TTF1: variants seen among roughly 807,000 people sequenced by gnomAD.
TTF1 encodes transcription termination factor 1, also known as transcription termination factor, RNA polymerase I.
Under a neutral mutation model 80.2 loss-of-function variants are expected in TTF1, and 64 were observed. The ratio of observed to expected loss-of-function variants is 0.80; its 90% CI spans 0.65 to 0.98. The LOEUF is 0.98. Ranked by LOEUF, TTF1 falls within the 50% of genes least tolerant of loss-of-function variation. The pLI is 0.00. For synonymous variants in TTF1, 372 were observed against 382.7 expected (o/e 0.97, Z 0.33); for missense variants, 1,023 against 1,086.2 (o/e 0.94, Z 0.82).
intron 10 of TTF1, among the ~76,000 whole-genome samples, chr9:132,376,871 GGT>G (rs918550486): frequency 6.6e-6 from 1 of 151,524 alleles, no homozygotes; most frequent in Admixed American, 6.6e-5. Context: ...TGTAGAGATA[GGT>G]GTGTGTGTGT....
rs1849783575 is a variant in TTF1, at chr9:132,402,384, C to G, written c.438G>C (p.Gln146His). 2 of 1,613,990 alleles carry G rather than the reference C, an allele frequency of 1.2e-6. No homozygotes were observed. Among genetic ancestry groups the G allele is most frequent in the Non-Finnish European group, 1.7e-6 (2 of 1,180,046 alleles). Residue 146 changes from glutamine (Q) to histidine (H), a missense_variant, in exon 2 of 11, where the codon CAG (glutamine) becomes CAC (histidine). Transcript: ENST00000334270. ...TATGTGCATGTGACTTAGCAAGTAC[C>G]TGAAATTTGTCTGTTTTAGGCTTTC... ...LPRKPKTDKFQVLAKSHAHKS... is the reference protein window; with the variant it reads ...LPRKPKTDKFHVLAKSHAHKS...
At chr9:132,399,608 CAAG>C (rs1301733533) in intron 3 of TTF1, among the ~76,000 whole-genome samples, 6 of 152,202 alleles carry the variant, frequency 3.9e-5, no homozygotes, top group South Asian at 2.1e-4. Context: ...ACAGTGAAAT[CAAG>C]AAGGTGATCA....
At chr9:132,400,355 T>C (rs906979085) in intron 2 of TTF1, 97 bp from the exon 3 acceptor site, 13 of 989,448 alleles carry the variant, frequency 1.3e-5, no homozygotes, top group Non-Finnish European at 2.0e-5. Flanking sequence ...GACAGAGGCT[T>C]GCTCTGTCGC....
chr9:132,390,632 C>T lies in TTF1; in HGVS notation c.2187G>A (p.Val729=), dbSNP rs1849542584. 3 of 1,614,228 alleles carry T rather than the reference C, an allele frequency of 1.9e-6. No homozygotes were observed. The highest frequency in any genetic ancestry group is 2.5e-6 in the Non-Finnish European group (3 of 1,180,042). ...GISWVEVEAK[V]QTRNWMQCKS... is the part of the protein sequence containing the mutation. ...TACACTGCATCCAATTTCTGGTTTG[C>T]ACTTTAGCTTCTACTTCTACCCAAG... Residue 729 remains valine (V), a synonymous_variant, in exon 7 of 11, where the codon GTG becomes GTA. Transcript: ENST00000334270.
In TTF1 at chr9:132,376,042, T is replaced by C. The variant is rs760094845; in HGVS notation, c.2591A>G (p.Asp864Gly). The C allele has an allele frequency of 6.2e-7, 1 of 1,614,228 alleles. No homozygotes were observed. Among genetic ancestry groups the C allele is most frequent in the South Asian group, 1.1e-5 (1 of 91,082 alleles). The change falls in exon 11 of 11, where the codon GAC becomes GGC. Residue 864 changes from aspartate to glycine, a missense_variant. Transcript: ENST00000334270. ...AAPKQVFPFR[D>G]IFYYEDDSEG... ...ACTATCGTCTTCATAATAAAAGATG[T>C]CTCGAAATGGGAAAACTTGCTTGGG...
chr9:132,401,274 C>T (rs974003543), intron 2 of TTF1, among the ~76,000 whole-genome samples, 181 bp downstream of exon 2: 2 of 151,522 alleles, frequency 1.3e-5, no homozygotes, highest in African/African-American at 4.8e-5. Context: ...TGCGGTAAGC[C>T]GAGATTGCAC....
At chr9:132,382,603 C>A (rs989934139) in intron 9 of TTF1, among the ~76,000 whole-genome samples, 4 of 152,046 alleles carry the variant, frequency 2.6e-5, no homozygotes, top group African/African-American at 9.7e-5. Flanking sequence ...TCACTACCAT[C>A]AACAGCAAAG....
At chr9:132,405,090 T>C (rs1337847556) in intron 1 of TTF1, among the ~76,000 whole-genome samples, 1 of 152,136 alleles carries the variant, frequency 6.6e-6, no homozygotes, top group Non-Finnish European at 1.5e-5. Context: ...AGTTTCACCG[T>C]GTTAGCCAGG....
At chr9:132,385,635 C>T (rs994456137) in intron 9 of TTF1, among the ~76,000 whole-genome samples, 1 of 152,354 alleles carries the variant, frequency 6.6e-6, no homozygotes, top group Non-Finnish European at 1.5e-5. Flanking sequence ...ACCGCTTCTG[C>T]TTCCATAGTC....
In TTF1 at chr9:132,378,386, A is replaced by T. The variant is rs796886506; in HGVS notation, c.2464+673T>A. 1.3e-4 allele frequency among the ~76,000 whole-genome samples: 9 copies of T among 71,638 alleles called. 1 individual carries two copies. Among genetic ancestry groups the T allele is most frequent in the African/African-American group, 4.8e-4 (9 of 18,734 alleles). The allele number at this position is 71,638 out of a possible 152,430, so 47.0% of individuals were successfully genotyped here. A position where few individuals can be genotyped will look rare whatever the true frequency, so the allele number is the denominator to read the frequency against. Reference sequence around the variant, plus strand: ...CGTGTGAATGCATGTGGTGTGTGTGAGTGCATGCATGTGGTGTGAGTGCAT... The same window carrying T: ...CGTGTGAATGCATGTGGTGTGTGTGTGTGCATGCATGTGGTGTGAGTGCAT... On this transcript the variant is annotated intron_variant, in intron 10 of 10. Transcript: ENST00000334270.
At chr9:132,390,502 G>T (rs1038773861) in intron 7 of TTF1, 95 bp downstream of exon 7, 14 of 1,236,130 alleles carry the variant, frequency 1.1e-5, no homozygotes, top group Non-Finnish European at 1.5e-5. Flanking sequence ...TTCTTGACAC[G>T]TCAGCTTCCC....
intron 9 of TTF1, among the ~76,000 whole-genome samples, chr9:132,380,087 T>G (rs999269874): frequency 6.6e-5 from 10 of 152,078 alleles, no homozygotes; most frequent in African/African-American, 2.2e-4. Context: ...TTTTTTTTTT[T>G]TGGATGGAGT....
intron 4 of TTF1, among the ~76,000 whole-genome samples, chr9:132,397,119 G>A (rs1243091698): frequency 6.6e-6 from 1 of 152,172 alleles, no homozygotes; most frequent in Non-Finnish European, 1.5e-5. Context: ...GTACCCTGAG[G>A]CTTCAGCTTC....
rs188754984 is a variant in TTF1, at chr9:132,390,257, C to T, written c.2222+340G>A. On this transcript the variant is annotated intron_variant, in intron 7 of 10. Coordinates refer to ENST00000334270, the MANE Select transcript of TTF1 (RefSeq NM_007344.4). ...AGCCTCCCAAAGTGTTGGGATTACA[C>T]GCATGAGCCACTGCGCGTGGCCCCT... 3.0e-3 allele frequency among the ~76,000 whole-genome samples: 454 copies of T among 152,308 alleles called. 3 individuals are homozygous for T. The highest frequency in any genetic ancestry group is 5.1e-3 in the Non-Finnish European group (344 of 68,018).
intron 5 of TTF1, among the ~76,000 whole-genome samples, chr9:132,392,552 G>A (rs1380123611): frequency 2.0e-5 from 3 of 151,660 alleles, no homozygotes; most frequent in Non-Finnish European, 2.9e-5. Context: ...GTGCGTTTTC[G>A]GGGAGCGCCT....
At chr9:132,377,842 TGTGTGTGAATG>T (rs1849251842) in intron 10 of TTF1, among the ~76,000 whole-genome samples, 1 of 108,432 alleles carries the variant, frequency 9.2e-6, no homozygotes, top group African/African-American at 3.7e-5. Flanking sequence ...ATGCATGTGG[TGTGTGTGAATG>T]CATGTGGTGT....
At chr9:132,390,548 C>T (rs1849541144) in intron 7 of TTF1, 49 bp downstream of exon 7, 9 of 1,579,158 alleles carry the variant, frequency 5.7e-6, no homozygotes, top group Non-Finnish European at 7.8e-6. Flanking sequence ...GTAACCTCAC[C>T]TCTCCACAGA....
rs1223876234 is a variant in TTF1, at chr9:132,384,833, T to C, written c.2378+1723A>G. 6.6e-6 allele frequency among the ~76,000 whole-genome samples: 1 copy of C among 152,130 alleles called. No individual in the cohort carries two copies. Among genetic ancestry groups the C allele is most frequent in the Non-Finnish European group, 1.5e-5 (1 of 68,032 alleles). ...CATCATGCCTGGCTAATTTTTGTAT[T>C]TTTGTAGAGACGGAGTTGAACCATG... On this transcript the variant is annotated intron_variant, in intron 9 of 10. Coordinates refer to ENST00000334270, the MANE Select transcript of TTF1 (RefSeq NM_007344.4). This position sits in a 1 kb window ranked among gnomAD's most constrained non-coding sequence, Gnocchi z 4.1.
chr9:132,382,882 A>G (rs1333425487), intron 9 of TTF1, among the ~76,000 whole-genome samples: 1 of 152,090 alleles, frequency 6.6e-6, no homozygotes, highest in Non-Finnish European at 1.5e-5. Context: ...CCTGGCCAAC[A>G]TGGTGAAACC....
Sources: gnomAD v4.1 joint callset for allele counts (sites outside exome capture counted in the v4.1 genomes callset) on GRCh38, gnomAD v4.1.1 for gene constraint, Gnocchi (gnomAD v3.1) non-coding constraint, MANE v1.5 for transcripts, NCBI Gene and HGNC (gene_info 2026-07-23, HGNC 2026-07-21) for gene names.